Variants in GJA8 observed in about 807,000 individuals in gnomAD.
GJA8 encodes the protein gap junction alpha-8 protein.
GJA8 carries 13 observed loss-of-function variants against 15.3 expected under a neutral mutation model. The ratio of observed to expected loss-of-function variants is 0.85; its 90% CI spans 0.55 to 1.35. The LOEUF is 1.35. Ranked by LOEUF, GJA8 falls within the 40% of genes most tolerant of loss-of-function variation. GJA8 has a pLI of 0.00. For missense variants in GJA8, 607 were observed against 553.3 expected, an observed-to-expected ratio of 1.10 and a Z score of -0.97; for synonymous variants, 304 against 238.7, an observed-to-expected ratio of 1.27 and a Z score of -2.52.
chr1:147,907,819 C>G, intron 1 of GJA8, 126 bp from the exon 2 acceptor site: 1 of 745,172 alleles, frequency 1.3e-6, no homozygotes, highest in South Asian at 1.4e-5. Flanking sequence ...ACTGGATAGA[C>G]GCTGTGTGCA....
downstream of GJA8, chr1:147,909,353 C>A: frequency 1.1e-6 from 1 of 951,446 alleles, no homozygotes; most frequent in Non-Finnish European, 1.7e-6. Context: ...TGTCTCCTGT[C>A]CTCCCACCAG....
At chr1:147,903,934 C>CT (rs56033018) in intron 1 of GJA8, among the ~76,000 whole-genome samples, 93,938 of 134,078 alleles carry the variant, frequency 0.7, 33,575 homozygotes, top group South Asian at 0.82. Context: ...TTTAATAACT[C>CT]TTTTTTTTTT....
At position 147,908,223 on chromosome 1, in the gene GJA8, C is replaced by A. The variant is rs1553242589; in HGVS notation, c.268C>A (p.Leu90Met). Residue 90 changes from leucine to methionine, a missense_variant, in exon 2 of 2, where the codon CTG becomes ATG. By Grantham distance (15) the Leu-to-Met change is conservative. Transcript: ENST00000369235. ...GATCATCTTCGTCTCCACCCCGTCC[C>A]TGATGTACGTGGGGCACGCGGTGCA... is the stretch of plus-strand genomic sequence containing the variant. ...LQIIFVSTPS[L>M]MYVGHAVHYV... 3 of 1,614,236 alleles carry A rather than the reference C, an allele frequency of 1.9e-6. No individual in the cohort carries two copies. Among genetic ancestry groups the A allele is most frequent in the Non-Finnish European group, 2.5e-6 (3 of 1,180,046 alleles).
chr1:147,903,798 C>T (rs782567254), intron 1 of GJA8, among the ~76,000 whole-genome samples: 9 of 152,044 alleles, frequency 5.9e-5, no homozygotes, highest in Admixed American at 1.3e-4. Context: ...AATGTTTCAC[C>T]AAGTTAAGTG....
intron 1 of GJA8, among the ~76,000 whole-genome samples, chr1:147,903,707 G>GA (rs1420351256): frequency 2.0e-5 from 3 of 152,096 alleles, no homozygotes; most frequent in Non-Finnish European, 2.9e-5. Context: ...TCCATCTGGG[G>GA]ATCTGTCAGT....
In GJA8 at chr1:147,909,184, C is replaced by G. The variant is rs782367110; in HGVS notation, c.1229C>G (p.Thr410Arg). Residue 410 changes from threonine (T) to arginine (R), a missense_variant, in exon 2 of 2, where the codon ACA becomes AGA. Transcript: ENST00000369235. ...CCTTCACTCTGTCCAGAGCTGACAA[C>G]AGATGATGCCAGACCCCTGAGCAGG... The part of the protein sequence containing the change: ...KTPSLCPELT[T>R]DDARPLSRLS... 1.2e-6 allele frequency: 2 copies of G among 1,607,278 alleles called. No homozygotes were observed. Among genetic ancestry groups the G allele is most frequent in the African/African-American group, 2.7e-5 (2 of 74,454 alleles).
Position 147,909,079 on chromosome 1 carries a change from C to T in GJA8, c.1124C>T (p.Pro375Leu), listed in dbSNP as rs782296582. 1.2e-6 allele frequency: 2 copies of T among 1,609,252 alleles called. No homozygotes were observed. Among genetic ancestry groups the T allele is most frequent in the Non-Finnish European group, 8.5e-7 (1 of 1,177,754 alleles). The change falls in exon 2 of 2, where the codon CCC becomes CTC. Residue 375 changes from proline (P) to leucine (L), a missense_variant. By Grantham distance (98) the Pro-to-Leu change is moderately conservative (BLOSUM62 -3). Coordinates refer to ENST00000369235, the MANE Select transcript of GJA8 (RefSeq NM_005267.5). ...CCAGAGGGGGAGAAAGTAGAGACCC[C>T]CGGAGTGGATAAGGAGGGTGAAAAA... is the stretch of plus-strand genomic sequence containing the variant. Reference protein sequence around the residue: ...AVPEGEKVETPGVDKEGEKEE... With the variant: ...AVPEGEKVETLGVDKEGEKEE...
chr1:147,908,651 C>T lies in GJA8; in HGVS notation c.696C>T (p.Ile232=). The T allele has an allele frequency of 6.2e-7, 1 of 1,614,116 alleles. No homozygotes were observed. The highest frequency in any genetic ancestry group is 8.5e-7 in the Non-Finnish European group (1 of 1,179,976). ...MELGHLGLKG[I]RSALKRPVEQ... is the part of the protein sequence containing the mutation. Reference sequence around the variant, plus strand: ...TGGGCCACCTGGGCCTGAAGGGGATCCGGTCTGCCTTGAAGAGGCCTGTAG... The same window carrying T: ...TGGGCCACCTGGGCCTGAAGGGGATTCGGTCTGCCTTGAAGAGGCCTGTAG... The change falls in exon 2 of 2, where the codon ATC becomes ATT. Residue 232 remains isoleucine (I), a synonymous_variant. Coordinates refer to ENST00000369235, the MANE Select transcript of GJA8 (RefSeq NM_005267.5).
chr1:147,908,721 G>A lies in GJA8; in HGVS notation c.766G>A (p.Ala256Thr), dbSNP rs781935925. The A allele has an allele frequency of 3.1e-5, 50 of 1,613,984 alleles. No individual in the cohort carries two copies. Among genetic ancestry groups the A allele is most frequent in the Non-Finnish European group, 4.2e-5 (49 of 1,179,994 alleles). Residue 256 changes from alanine to threonine, a missense_variant, in exon 2 of 2, where the codon GCT (alanine) becomes ACT (threonine). Ala to Thr is a moderately conservative substitution (Grantham distance 58). Coordinates refer to ENST00000369235, the MANE Select transcript of GJA8 (RefSeq NM_005267.5). ...EIPEKSLHSI[A>T]VSSIQKAKGY... ...TCCTGAGAAATCCCTCCACTCCATT[G>A]CTGTCTCCTCCATCCAGAAAGCCAA...
chr1:147,907,469 A>G (rs964085774), intron 1 of GJA8, among the ~76,000 whole-genome samples: 2 of 152,228 alleles, frequency 1.3e-5, no homozygotes, highest in Non-Finnish European at 2.9e-5. Context: ...AGATGGCCAC[A>G]GACAATTTCA....
At chr1:147,904,103 T>G (rs1202427103) in intron 1 of GJA8, among the ~76,000 whole-genome samples, 3 of 152,012 alleles carry the variant, frequency 2.0e-5, no homozygotes, top group Admixed American at 1.3e-4. Flanking sequence ...CAGCTAATTT[T>G]TGTATTTTTA....
Position 147,908,158 on chromosome 1 carries a change from A to C in GJA8, c.203A>C (p.Glu68Ala), listed in dbSNP as rs1258008642. ...GGCTGCGAGAACGTCTGCTACGACG[A>C]GGCCTTTCCCATCTCCCACATTCGC... ...QPGCENVCYD[E>A]AFPISHIRLW... The change falls in exon 2 of 2, where the codon GAG becomes GCG. Residue 68 changes from glutamate to alanine, a missense_variant. Glu to Ala is a moderately radical substitution (Grantham distance 107). Transcript: ENST00000369235. 1 of 1,614,096 alleles carries C rather than the reference A, an allele frequency of 6.2e-7. No homozygotes were observed. Among genetic ancestry groups the C allele is most frequent in the Non-Finnish European group, 8.5e-7 (1 of 1,180,040 alleles).
chr1:147,909,051 G>T lies in GJA8; in HGVS notation c.1096G>T (p.Val366Leu). ...CACGGAGGAGCAGGAGAAGGTGGCCGTGCCAGAGGGGGAGAAAGTAGAGAC... is the reference window on the plus strand; with the variant it reads ...CACGGAGGAGCAGGAGAAGGTGGCCTTGCCAGAGGGGGAGAAAGTAGAGAC... ...LTTEEQEKVA[V>L]PEGEKVETPG... The change falls in exon 2 of 2, where the codon GTG becomes TTG. Residue 366 changes from valine to leucine, a missense_variant. By Grantham distance (32) the Val-to-Leu change is conservative. Coordinates refer to ENST00000369235, the MANE Select transcript of GJA8 (RefSeq NM_005267.5). 1 of 1,600,888 alleles carries T rather than the reference G, an allele frequency of 6.2e-7. No homozygotes were observed. Among genetic ancestry groups the T allele is most frequent in the South Asian group, 1.1e-5 (1 of 89,604 alleles).
At chr1:147,907,490 A>T (rs781804738) in intron 1 of GJA8, among the ~76,000 whole-genome samples, 16 of 152,284 alleles carry the variant, frequency 1.1e-4, no homozygotes, top group Non-Finnish European at 1.9e-4. Flanking sequence ...TACATACAAG[A>T]ATTGTGTTGG....
intron 1 of GJA8, among the ~76,000 whole-genome samples, chr1:147,903,063 G>A (rs1253762075): frequency 6.6e-6 from 1 of 152,180 alleles, no homozygotes; most frequent in Non-Finnish European, 1.5e-5. Flanking sequence ...AGGTTTGGAA[G>A]GGAGAGGAAT....
Position 147,907,981 on chromosome 1 carries a change from A to T in GJA8, c.26A>T (p.Asn9Ile). MGDWSFLG[N>I]ILEEVNEHST... ...ATGGGCGACTGGAGTTTCCTGGGGA[A>T]CATCTTGGAGGAGGTGAATGAGCAC... The change falls in exon 2 of 2, where the codon AAC (asparagine) becomes ATC (isoleucine). Residue 9 changes from asparagine to isoleucine, a missense_variant. Asn to Ile is a moderately radical substitution (Grantham distance 149). Transcript: ENST00000369235. 3 of 1,613,998 alleles carry T rather than the reference A, an allele frequency of 1.9e-6. No individual in the cohort carries two copies. The highest frequency in any genetic ancestry group is 2.5e-6 in the Non-Finnish European group (3 of 1,179,902).
chr1:147,909,260 T>C lies in GJA8; in HGVS notation c.*3T>C, dbSNP rs782259228. ...GGTCAGACGATCTAACCGTATGAAGTGACGCCAAAGAAAAAAAAAAAAACG... is the reference window on the plus strand; with the variant it reads ...GGTCAGACGATCTAACCGTATGAAGCGACGCCAAAGAAAAAAAAAAAAACG... On this transcript the variant is annotated 3_prime_UTR_variant, in exon 2 of 2. Coordinates refer to ENST00000369235, the MANE Select transcript of GJA8 (RefSeq NM_005267.5). 6.3e-6 allele frequency: 8 copies of C among 1,273,156 alleles called. No homozygotes were observed. The South Asian group carries it at 8.5e-5, about 14-fold the overall frequency. 78.9% of individuals were successfully genotyped at this position (1,273,156 alleles called of 1,614,324 possible).
Position 147,908,394 on chromosome 1 carries a change from C to G in GJA8, c.439C>G (p.Leu147Val), listed in dbSNP as rs145974798. The G allele has an allele frequency of 6.2e-7, 1 of 1,614,220 alleles. No homozygotes were observed. Among genetic ancestry groups the G allele is most frequent in the Non-Finnish European group, 8.5e-7 (1 of 1,180,028 alleles). Reference protein sequence around the residue: ...GTKKFRLEGTLLRTYICHIIF... With the variant: ...GTKKFRLEGTVLRTYICHIIF... ...TAAGAAGTTCCGGCTGGAGGGGACCCTGCTGAGGACCTACATCTGCCACAT... is the reference window on the plus strand; with the variant it reads ...TAAGAAGTTCCGGCTGGAGGGGACCGTGCTGAGGACCTACATCTGCCACAT... The change falls in exon 2 of 2, where the codon CTG (leucine) becomes GTG (valine). Residue 147 changes from leucine to valine, a missense_variant. Leu to Val is a conservative substitution (Grantham distance 32). Transcript: ENST00000369235.
chr1:147,908,391 AC>A lies in GJA8; in HGVS notation c.439del (p.Leu147CysfsTer2). 6.2e-7 allele frequency: 1 copy of A among 1,614,000 alleles called. No individual in the cohort carries two copies. Among genetic ancestry groups the A allele is most frequent in the Non-Finnish European group, 8.5e-7 (1 of 1,180,006 alleles). The part of the protein sequence containing the change: ...KGTKKFRLEG[T>X]LLRTYICHII... ...CACTAAGAAGTTCCGGCTGGAGGGG[AC>A]CCTGCTGAGGACCTACATCTGCCAC... On this transcript the variant is annotated frameshift_variant, in exon 2 of 2. Coordinates refer to ENST00000369235, the MANE Select transcript of GJA8 (RefSeq NM_005267.5). LOFTEE classifies it high-confidence loss of function.
Sources: gnomAD v4.1 joint callset for allele counts (sites outside exome capture counted in the v4.1 genomes callset) on GRCh38, gnomAD v4.1.1 for gene constraint, MANE v1.5 for transcripts, NCBI Gene and HGNC (gene_info 2026-07-23, HGNC 2026-07-21) for gene names.